Variants in VAV3 observed in about 807,000 individuals in gnomAD.
VAV3 encodes the protein guanine nucleotide exchange factor VAV3.
A neutral mutation model predicts 131.2 loss-of-function variants in VAV3; 94 were observed. The observed-to-expected ratio is 0.72, with a 90% CI of 0.61 to 0.85. The LOEUF (loss-of-function observed/expected upper bound fraction) is 0.85, where lower values mean the gene tolerates loss of function less well. Ranked by LOEUF, VAV3 falls within the 40% of genes least tolerant of loss-of-function variation. The probability of loss-of-function intolerance (pLI) is 0.00; values close to 1 mark genes in which losing one functional copy is unlikely to be tolerated. For synonymous variants in VAV3, 349 were observed against 342.0 expected (o/e 1.02, Z -0.22); for missense variants, 939 against 1,002.7 (o/e 0.94, Z 0.86).
chr1:107,727,287 T>C (rs1661904742), intron 15 of VAV3, among the ~76,000 whole-genome samples: 1 of 152,232 alleles, frequency 6.6e-6, no homozygotes, highest in Admixed American at 6.5e-5. Flanking sequence ...TTTTTTAAGC[T>C]CCACTAAAAT....
intron 2 of VAV3, among the ~76,000 whole-genome samples, chr1:107,793,788 T>A (rs934900149): frequency 3.3e-5 from 5 of 152,222 alleles, no homozygotes; most frequent in African/African-American, 1.2e-4. Context: ...CCTAATCTAG[T>A]AGCTATATCA....
intron 25 of VAV3, among the ~76,000 whole-genome samples, chr1:107,587,459 GT>G (rs1650589500): frequency 1.3e-5 from 2 of 152,242 alleles, no homozygotes; most frequent in South Asian, 4.1e-4. Flanking sequence ...GAATTTGTTT[GT>G]TTTTCAAGCA....
At chr1:107,601,019 G>T (rs547093559) in intron 24 of VAV3, among the ~76,000 whole-genome samples, 3 of 152,246 alleles carry the variant, frequency 2.0e-5, no homozygotes, top group Admixed American at 2.0e-4. Context: ...AAGCTGGTAC[G>T]TCTTGCAGAG....
intron 17 of VAV3, among the ~76,000 whole-genome samples, chr1:107,699,951 G>A (rs557777991): frequency 6.6e-6 from 1 of 152,272 alleles, no homozygotes; most frequent in Admixed American, 6.5e-5. Context: ...GTGAAGGTGG[G>A]CCAGGATGAT....
chr1:107,875,930 T>A (rs11185191), intron 1 of VAV3, among the ~76,000 whole-genome samples: 99,562 of 151,862 alleles, frequency 0.66, 33,163 homozygotes, highest in Non-Finnish European at 0.72. Flanking sequence ...GGTGTGTACT[T>A]CAGACAGAAA....
chr1:107,665,304 A>AC, intron 19 of VAV3, among the ~76,000 whole-genome samples: 1 of 152,308 alleles, frequency 6.6e-6, no homozygotes, highest in South Asian at 2.1e-4. Flanking sequence ...CAAGGGGTGC[A>AC]TTGTCTGGGG....
chr1:107,923,120 T>C (rs1672990977), intron 1 of VAV3, among the ~76,000 whole-genome samples: 1 of 152,212 alleles, frequency 6.6e-6, no homozygotes, highest in Non-Finnish European at 1.5e-5. Flanking sequence ...CATCCCTTCC[T>C]GTCTCTAGCA....
At chr1:107,921,576 A>G (rs1336711224) in intron 1 of VAV3, among the ~76,000 whole-genome samples, 1 of 152,228 alleles carries the variant, frequency 6.6e-6, no homozygotes, top group Non-Finnish European at 1.5e-5. Context: ...CTACTCAAAC[A>G]TGAAACCTGC....
chr1:107,632,632 C>A (rs1488386296), intron 20 of VAV3, among the ~76,000 whole-genome samples: 1 of 152,196 alleles, frequency 6.6e-6, no homozygotes, highest in Non-Finnish European at 1.5e-5. Flanking sequence ...TGTGCAAAAA[C>A]TCAAACATAT....
intron 1 of VAV3, among the ~76,000 whole-genome samples, chr1:107,881,053 C>T (rs1351663903): frequency 6.6e-6 from 1 of 152,144 alleles, no homozygotes; most frequent in Non-Finnish European, 1.5e-5. Flanking sequence ...GGATTCAAAT[C>T]CAGACATTCT....
intron 2 of VAV3, among the ~76,000 whole-genome samples, chr1:107,830,564 T>C (rs141405647): frequency 3.6e-4 from 55 of 152,234 alleles, no homozygotes; most frequent in African/African-American, 1.2e-3. Context: ...ATTCTGCACA[T>C]AGCCCCCTCC....
intron 1 of VAV3, among the ~76,000 whole-genome samples, chr1:107,961,656 T>C (rs1675093954): frequency 6.6e-6 from 1 of 152,116 alleles, no homozygotes; most frequent in African/African-American, 2.4e-5. Context: ...AAACAAACAC[T>C]AAATCAGCAT....
chr1:107,737,489 G>C (rs1335361163), intron 15 of VAV3, among the ~76,000 whole-genome samples: 1 of 152,094 alleles, frequency 6.6e-6, no homozygotes, highest in African/African-American at 2.4e-5. Flanking sequence ...AATCTACAAA[G>C]AACTCAAACA....
chr1:107,633,336 T>C (rs547425663), intron 20 of VAV3, among the ~76,000 whole-genome samples: 12 of 152,332 alleles, frequency 7.9e-5, no homozygotes, highest in African/African-American at 2.9e-4. Context: ...GGCATGGTTC[T>C]AGGACTCCTG....
intron 19 of VAV3, among the ~76,000 whole-genome samples, chr1:107,676,435 A>G (rs1390538288): frequency 6.6e-6 from 1 of 152,206 alleles, no homozygotes; most frequent in African/African-American, 2.4e-5. Context: ...TTGCCTCCAC[A>G]TGAGAAAAAC....
intron 1 of VAV3, among the ~76,000 whole-genome samples, chr1:107,940,139 G>C (rs1463595497): frequency 6.6e-6 from 1 of 152,178 alleles, no homozygotes; most frequent in Non-Finnish European, 1.5e-5. Flanking sequence ...TGCCTGGGTA[G>C]AATTGTAGAG....
intron 25 of VAV3, chr1:107,578,725 C>G: frequency 1.0e-6 from 1 of 979,844 alleles, no homozygotes; most frequent in Non-Finnish European, 1.2e-6. Context: ...TCTCCTGCCT[C>G]AGCCTCCCGA....
At chr1:107,723,208 C>A (rs1486838367) in intron 15 of VAV3, among the ~76,000 whole-genome samples, 1 of 152,056 alleles carries the variant, frequency 6.6e-6, no homozygotes, top group Non-Finnish European at 1.5e-5. Flanking sequence ...AAGAGCAAAA[C>A]AACAGTAACA....
At chr1:107,673,141 A>G (rs1445555865) in intron 19 of VAV3, among the ~76,000 whole-genome samples, 1 of 152,248 alleles carries the variant, frequency 6.6e-6, no homozygotes, top group African/African-American at 2.4e-5. Context: ...GTTCAACAAT[A>G]AATTATACTA....
Sources: allele counts gnomAD v4.1 joint callset (sites outside exome capture counted in the v4.1 genomes callset), GRCh38; gene constraint gnomAD v4.1.1; transcripts MANE v1.5; gene names NCBI Gene and HGNC (gene_info 2026-07-23, HGNC 2026-07-21).